The following ELAPOR1 variants were observed in gnomAD, a reference collection of about 807,000 sequenced individuals.
ELAPOR1 encodes the protein endosome-lysosome associated apoptosis and autophagy regulator 1, also known as endosome/lysosome-associated apoptosis and autophagy regulator 1.
ELAPOR1 carries 77 observed loss-of-function variants against 119.7 expected under a neutral mutation model. The observed-to-expected ratio is 0.64, with a 90% CI of 0.54 to 0.78. ELAPOR1 has a LOEUF of 0.78. ELAPOR1 is among the 30% of genes least tolerant of loss of function. The pLI, the probability that ELAPOR1 is intolerant of heterozygous loss-of-function variation, is 0.00. For synonymous variants in ELAPOR1, 481 were observed against 487.2 expected (o/e 0.99, Z 0.17); for missense variants, 1,115 against 1,270.4 (o/e 0.88, Z 1.86).
At chr1:109,139,254 T>C (rs139720638) in intron 1 of ELAPOR1, among the ~76,000 whole-genome samples, 11,010 of 151,936 alleles carry the variant, frequency 0.072, 447 homozygotes, top group Non-Finnish European at 0.09. Context: ...GGGAGCTGAG[T>C]TGGGAGGATT....
At chr1:109,147,421 T>C (rs181911220) in intron 1 of ELAPOR1, among the ~76,000 whole-genome samples, 2 of 152,252 alleles carry the variant, frequency 1.3e-5, no homozygotes, top group African/African-American at 4.8e-5. Context: ...AGAAGGATCA[T>C]TGATTGTCAA....
chr1:109,164,426 C>A, intron 2 of ELAPOR1, 73 bp from the exon 3 acceptor site: 1 of 1,369,880 alleles, frequency 7.3e-7, no homozygotes, highest in Non-Finnish European at 1.0e-6. Flanking sequence ...CTCCCTTCAG[C>A]TGCTCGCAGC....
chr1:109,193,307 G>A (rs984285869), intron 14 of ELAPOR1, among the ~76,000 whole-genome samples: 3 of 152,196 alleles, frequency 2.0e-5, no homozygotes, highest in African/African-American at 4.8e-5. Flanking sequence ...TGGCATTGCT[G>A]TCTTCTATCC....
chr1:109,153,169 T>A (rs1404545456), intron 1 of ELAPOR1, among the ~76,000 whole-genome samples: 3 of 152,000 alleles, frequency 2.0e-5, no homozygotes, highest in South Asian at 2.1e-4. Flanking sequence ...AAATTTGCCA[T>A]AATAGGTTTT....
chr1:109,175,123 A>T (rs918937103), intron 7 of ELAPOR1, among the ~76,000 whole-genome samples: 4 of 151,450 alleles, frequency 2.6e-5, no homozygotes, highest in African/African-American at 9.7e-5. Context: ...AGCCTTCCAA[A>T]GTGCTGGGAT....
chr1:109,195,088 C>T (rs1051483279), intron 15 of ELAPOR1, among the ~76,000 whole-genome samples: 13 of 151,404 alleles, frequency 8.6e-5, no homozygotes, highest in African/African-American at 3.1e-4. Context: ...CCAGCCTGGG[C>T]AAAAAGGTGA....
At chr1:109,173,899 G>A (rs895185450) in intron 7 of ELAPOR1, 62 bp downstream of exon 7, 2 of 1,564,760 alleles carry the variant, frequency 1.3e-6, no homozygotes, top group Non-Finnish European at 1.7e-6. Flanking sequence ...CACACAAGGA[G>A]ATACCAGGGA....
At chr1:109,176,679 A>G (rs1367782456) in intron 7 of ELAPOR1, among the ~76,000 whole-genome samples, 1 of 146,616 alleles carries the variant, frequency 6.8e-6, no homozygotes, top group Non-Finnish European at 1.5e-5. Flanking sequence ...GTCACAGGAC[A>G]ATAGTGGAGG....
chr1:109,195,892 C>T (rs1007236866), intron 15 of ELAPOR1, among the ~76,000 whole-genome samples: 4 of 152,342 alleles, frequency 2.6e-5, no homozygotes, highest in East Asian at 1.9e-4. Flanking sequence ...CATGGTGGCT[C>T]ACGCCTGTAA....
intron 21 of ELAPOR1, chr1:109,201,303 G>T: frequency 2.2e-6 from 1 of 457,622 alleles, no homozygotes; most frequent in South Asian, 1.5e-5. Flanking sequence ...GACCAGTGGG[G>T]GGTGCTGTCT....
At chr1:109,152,427 A>G (rs969855385) in intron 1 of ELAPOR1, among the ~76,000 whole-genome samples, 8 of 152,048 alleles carry the variant, frequency 5.3e-5, no homozygotes, top group African/African-American at 1.9e-4. Context: ...CCTACTTGTG[A>G]CTTTATGCAG....
At chr1:109,195,451 G>A (rs1177603183) in intron 15 of ELAPOR1, among the ~76,000 whole-genome samples, 1 of 150,678 alleles carries the variant, frequency 6.6e-6, no homozygotes, top group African/African-American at 2.5e-5. Flanking sequence ...CGGAGATCAC[G>A]CCACTACACT....
chr1:109,128,412 G>T (rs1421217084), intron 1 of ELAPOR1, among the ~76,000 whole-genome samples: 1 of 152,178 alleles, frequency 6.6e-6, no homozygotes, highest in African/African-American at 2.4e-5. Context: ...TTTTGTGCTT[G>T]AAATCAATTA....
intron 1 of ELAPOR1, among the ~76,000 whole-genome samples, chr1:109,143,042 C>T (rs113236455): frequency 7.2e-5 from 11 of 152,140 alleles, no homozygotes; most frequent in South Asian, 2.1e-4. Flanking sequence ...CTCCGGCTTC[C>T]GGGTTCAAGT....
intron 7 of ELAPOR1, among the ~76,000 whole-genome samples, chr1:109,174,958 G>A (rs192955050): frequency 2.3e-4 from 35 of 151,680 alleles, no homozygotes; most frequent in Admixed American, 1.2e-3. Context: ...CTCGTGATCC[G>A]CCCGCCTCAG....
intron 1 of ELAPOR1, among the ~76,000 whole-genome samples, chr1:109,119,986 T>G (rs776409123): frequency 1.3e-5 from 2 of 152,124 alleles, no homozygotes; most frequent in Admixed American, 1.3e-4. Flanking sequence ...ACCACTATGG[T>G]CTGATGTTTG....
chr1:109,197,265 C>T (rs886693144), intron 15 of ELAPOR1, among the ~76,000 whole-genome samples: 1 of 152,050 alleles, frequency 6.6e-6, no homozygotes, highest in African/African-American at 2.4e-5. Context: ...CCAGCCCGGG[C>T]AATAGATCAA....
At chr1:109,199,433 C>T (rs1654024248) in intron 18 of ELAPOR1, among the ~76,000 whole-genome samples, 1 of 152,146 alleles carries the variant, frequency 6.6e-6, no homozygotes, top group African/African-American at 2.4e-5. Context: ...AAGTACATAA[C>T]AGGTATCCAT....
intron 1 of ELAPOR1, among the ~76,000 whole-genome samples, chr1:109,137,886 G>A (rs1006080033): frequency 2.0e-5 from 3 of 152,166 alleles, no homozygotes; most frequent in African/African-American, 7.2e-5. Flanking sequence ...AAAGTATAAA[G>A]GGACACAAGA....
Sources: allele counts gnomAD v4.1 joint callset (sites outside exome capture counted in the v4.1 genomes callset), GRCh38; gene constraint gnomAD v4.1.1; transcripts MANE v1.5; gene names NCBI Gene and HGNC (gene_info 2026-07-23, HGNC 2026-07-21).